The following SAMD4B variants were observed in gnomAD, a reference collection of about 807,000 sequenced individuals.
The protein encoded by SAMD4B is protein Smaug homolog 2.
Under a neutral mutation model 74.5 loss-of-function variants are expected in SAMD4B, and 5 were observed. That is an observed-to-expected ratio of 0.07 (90% CI 0.04 to 0.14). The LOEUF is 0.14. Among genes scored for constraint, SAMD4B ranks in the 10% least tolerant of loss-of-function variants. The pLI is 1.00. For synonymous variants in SAMD4B, 373 were observed against 374.9 expected, an observed-to-expected ratio of 1.00 and a Z score of 0.06; for missense variants, 608 against 921.8, an observed-to-expected ratio of 0.66 and a Z score of 4.41.
intron 12 of SAMD4B, among the ~76,000 whole-genome samples, chr19:39,381,475 G>C (rs777581072): frequency 5.3e-5 from 8 of 152,200 alleles, no homozygotes; most frequent in Non-Finnish European, 8.8e-5. Context: ...GGATGGGACA[G>C]TTAAAGTGTG....
At chr19:39,356,152 G>C (rs1015792252) in intron 2 of SAMD4B, among the ~76,000 whole-genome samples, 1 of 152,082 alleles carries the variant, frequency 6.6e-6, no homozygotes, top group Non-Finnish European at 1.5e-5. Context: ...GTCACTACCC[G>C]ACCATCCATC....
intron 3 of SAMD4B, among the ~76,000 whole-genome samples, chr19:39,359,019 G>GT (rs963629954): frequency 3.3e-5 from 5 of 152,234 alleles, no homozygotes; most frequent in African/African-American, 9.6e-5. Flanking sequence ...TAGTCTGGCA[G>GT]TAAGTTCTTA....
chr19:39,343,411 C>T (rs2075455680), intron 1 of SAMD4B, among the ~76,000 whole-genome samples: 1 of 151,506 alleles, frequency 6.6e-6, no homozygotes, highest in Non-Finnish European at 1.5e-5. Context: ...ATAAATCTTC[C>T]TCACAGACTT....
rs759855808 is a variant in SAMD4B, at chr19:39,380,050, G to A, written c.1615G>A (p.Ala539Thr). The change falls in exon 10 of 14, where the codon GCA becomes ACA. Residue 539 changes from alanine to threonine, a missense_variant. Physicochemically the swap from Ala to Thr is moderately conservative, Grantham distance 58 (BLOSUM62 0). This residue lies in a region of SAMD4B where 167 missense variants were observed against 193.0 expected (regional missense o/e 0.87). Transcript: ENST00000610417. ...KLLRTFPRKA[A>T]LEMQNYRQQK... Reference sequence around the variant, plus strand: ...CCTCCGGACATTCCCGCGCAAAGCCGCACTAGAGATGCAGAACTACCGGCA... The same window carrying A: ...CCTCCGGACATTCCCGCGCAAAGCCACACTAGAGATGCAGAACTACCGGCA... 29 of 1,613,658 alleles carry A rather than the reference G, an allele frequency of 1.8e-5. No individual in the cohort carries two copies. Among genetic ancestry groups the A allele is most frequent in the Middle Eastern group, 1.7e-4 (1 of 6,060 alleles).
intron 3 of SAMD4B, among the ~76,000 whole-genome samples, chr19:39,359,701 CA>C (rs1334011019): frequency 1.3e-5 from 2 of 152,172 alleles, no homozygotes; most frequent in Non-Finnish European, 2.9e-5. Context: ...GTGGGTCACA[CA>C]ATTGATAAGA....
intron 9 of SAMD4B, among the ~76,000 whole-genome samples, chr19:39,379,305 A>G (rs1840526124): frequency 6.6e-6 from 1 of 152,264 alleles, no homozygotes; most frequent in South Asian, 2.1e-4. Context: ...CCCAGCCCGT[A>G]CATACTCTTT....
At chr19:39,365,761 A>G (rs1003985333) in intron 3 of SAMD4B, among the ~76,000 whole-genome samples, 2 of 152,248 alleles carry the variant, frequency 1.3e-5, no homozygotes, top group African/African-American at 4.8e-5. Context: ...CTCAATAAAC[A>G]GTATCCTTCA....
intron 3 of SAMD4B, chr19:39,369,441 C>G: frequency 1.7e-6 from 1 of 574,544 alleles, no homozygotes; most frequent in South Asian, 2.1e-5. Flanking sequence ...TAGTGAGACC[C>G]CATCTCTTAA....
At chr19:39,380,445 C>T (rs575216365) in intron 10 of SAMD4B, 142 bp from the exon 11 acceptor site, 3 of 869,004 alleles carry the variant, frequency 3.5e-6, no homozygotes, top group South Asian at 1.5e-5. Context: ...CAGGGGGTAC[C>T]CTTGGGGCAG....
intron 1 of SAMD4B, among the ~76,000 whole-genome samples, chr19:39,346,024 G>C (rs895571906): frequency 1.3e-5 from 2 of 152,086 alleles, no homozygotes; most frequent in Non-Finnish European, 2.9e-5. Flanking sequence ...TCTCTTAGCA[G>C]CCCCTCTCAG....
chr19:39,343,265 C>T (rs1271609978), intron 1 of SAMD4B, among the ~76,000 whole-genome samples: 1 of 151,734 alleles, frequency 6.6e-6, no homozygotes, highest in Non-Finnish European at 1.5e-5. Flanking sequence ...TCCCACTTAC[C>T]CCATTCCAGA....
intron 4 of SAMD4B, among the ~76,000 whole-genome samples, chr19:39,374,190 G>A (rs1468515405): frequency 6.6e-6 from 1 of 152,138 alleles, no homozygotes; most frequent in Non-Finnish European, 1.5e-5. Flanking sequence ...AGAATCGCTT[G>A]AACCCAGGAG....
Position 39,383,859 on chromosome 19 carries a change from C to T in SAMD4B, c.*332C>T. 3 of 719,364 alleles carry T rather than the reference C, an allele frequency of 4.2e-6. No homozygotes were observed. The highest frequency in any genetic ancestry group is 5.3e-5 in the Admixed American group (2 of 37,464). The allele number at this position is 719,364 out of a possible 1,614,324, so 44.6% of individuals were successfully genotyped here. ...CTGCCTCCTCCAGACCGCTGACCAC[C>T]TGCCTCTCCCCAAGGGAGCAGACTC... On this transcript the variant is annotated 3_prime_UTR_variant, in exon 14 of 14. Coordinates refer to ENST00000610417, the MANE Select transcript of SAMD4B (RefSeq NM_001384574.2). The surrounding 1 kb of genome is among the most constrained non-coding windows in gnomAD (Gnocchi z 4.1).
Position 39,378,637 on chromosome 19 carries a change from G to GAACCACCAC in SAMD4B, c.1530+48_1530+49insAACCACCAC. The GAACCACCAC allele has an allele frequency of 1.3e-6, 2 of 1,546,306 alleles. No individual in the cohort carries two copies. The highest frequency in any genetic ancestry group is 1.8e-6 in the Non-Finnish European group (2 of 1,120,614). ...CAAAAAGGGAAAGGCGGCCAGGCGT[G>GAACCACCAC]GTGGTTCACGCCTGTAGTCCCAGCA... On this transcript the variant is annotated intron_variant, in intron 9 of 13. Transcript: ENST00000610417. This position sits in a 1 kb window ranked among gnomAD's most constrained non-coding sequence, Gnocchi z 4.4.
downstream of SAMD4B, chr19:39,386,345 CGAGTGCTCA>C: frequency 6.2e-7 from 1 of 1,614,162 alleles, no homozygotes; most frequent in East Asian, 2.2e-5. This position sits in a 1 kb window ranked among gnomAD's most constrained non-coding sequence, Gnocchi z 6.1. Context: ...TCTCGCTGCC[CGAGTGCTCA>C]TCTTCACTGC....
chr19:39,386,684 T>C, downstream of SAMD4B: 1 of 1,609,780 alleles, frequency 6.2e-7, no homozygotes, highest in South Asian at 1.1e-5. This position sits in a 1 kb window ranked among gnomAD's most constrained non-coding sequence, Gnocchi z 6.1. Context: ...GAGCCAGTGG[T>C]GCTTGTTACC....
chr19:39,374,327 A>T (rs1163557311), intron 4 of SAMD4B, among the ~76,000 whole-genome samples: 1 of 152,068 alleles, frequency 6.6e-6, no homozygotes, highest in African/African-American at 2.4e-5. Flanking sequence ...GAGGGTATGG[A>T]GCATCCTTCA....
chr19:39,388,676 C>T (rs761853209), downstream of SAMD4B: 27 of 1,613,910 alleles, frequency 1.7e-5, no homozygotes, highest in Non-Finnish European at 2.2e-5. Flanking sequence ...CCATCATGCC[C>T]CTGGTTGGGG....
At chr19:39,390,730 C>T in the SAMD4B span, 1 of 1,395,268 alleles carries the variant, frequency 7.2e-7, no homozygotes, top group Non-Finnish European at 1.0e-6. Context: ...CATGACGTCA[C>T]GGGCAGACCT....
Sources: allele counts gnomAD v4.1 joint callset (sites outside exome capture counted in the v4.1 genomes callset), GRCh38; gene constraint gnomAD v4.1.1; regional missense constraint gnomAD v4.1.1; non-coding constraint Gnocchi (gnomAD v3.1); transcripts MANE v1.5; gene names NCBI Gene and HGNC (gene_info 2026-07-23, HGNC 2026-07-21).